FAXC: variants seen among roughly 807,000 people sequenced by gnomAD.
The protein encoded by FAXC is failed axon connections homolog.
Under a neutral mutation model 41.9 loss-of-function variants are expected in FAXC, and 10 were observed. That is an observed-to-expected ratio of 0.24 (90% CI 0.15 to 0.41). The LOEUF (loss-of-function observed/expected upper bound fraction) is 0.41. Among genes scored for constraint, FAXC ranks in the 10% least tolerant of loss-of-function variants. The pLI is 1.00. For synonymous variants in FAXC, 183 were observed against 183.8 expected, an observed-to-expected ratio of 1.00 and a Z score of 0.03; for missense variants, 399 against 510.9, an observed-to-expected ratio of 0.78 and a Z score of 2.11.
intron 4 of FAXC, among the ~76,000 whole-genome samples, chr6:99,298,358 C>T (rs1771579689): frequency 6.6e-6 from 1 of 152,008 alleles, no homozygotes; most frequent in African/African-American, 2.4e-5. Flanking sequence ...GCATACAGCA[C>T]CACACCTGGC....
In FAXC at chr6:99,279,000, T is replaced by C. The variant is rs1430521843; in HGVS notation, c.*2164A>G. 1.3e-5 allele frequency: 2 copies of C among 152,226 alleles called. No homozygotes were observed. Among genetic ancestry groups the C allele is most frequent in the Non-Finnish European group, 1.5e-5 (1 of 68,038 alleles). The allele number at this position is 152,226 out of a possible 1,614,324, so 9.4% of individuals were successfully genotyped here. A position where few individuals can be genotyped will look rare whatever the true frequency, so the allele number is the denominator to read the frequency against. On this transcript the variant is annotated 3_prime_UTR_variant, in exon 6 of 6. Coordinates refer to ENST00000389677, the MANE Select transcript of FAXC (RefSeq NM_032511.4). ...AAATTCAAATACATTTCTTTTCTAC[T>C]AAAATGTGGTGGGAAAAGGACAACC...
At position 99,349,209 on chromosome 6, in the gene FAXC, GCCATGATC is replaced by G. The variant is rs762059818; in HGVS notation, c.156_163del (p.Ile53ArgfsTer34). The G allele has an allele frequency of 6.2e-7, 1 of 1,613,952 alleles. No homozygotes were observed. The highest frequency in any genetic ancestry group is 8.5e-7 in the Non-Finnish European group (1 of 1,180,014). Reference sequence around the variant, plus strand: ...CCACCAGGGATCGGAGCCCAGCCCTGCCATGATCCCACCGTAATCCTGCAAAGGGAAAG... The same window carrying G: ...CCACCAGGGATCGGAGCCCAGCCCTGCCACCGTAATCCTGCAAAGGGAAAG... On this transcript the variant is annotated frameshift_variant, in exon 1 of 6. Coordinates refer to ENST00000389677, the MANE Select transcript of FAXC (RefSeq NM_032511.4). LOFTEE classifies it high-confidence loss of function.
Position 99,272,483 on chromosome 6 carries a change from A to C in FAXC, c.*8681T>G, listed in dbSNP as rs1770447680. On this transcript the variant is annotated 3_prime_UTR_variant, in exon 6 of 6. Transcript: ENST00000389677. ...AGCCACTGCACCCTGCCTAATTGAG[A>C]CAATATTTATACAAGGGGAAATTGG... The C allele has an allele frequency of 6.6e-6, 1 of 152,124 alleles. No individual in the cohort carries two copies. Among genetic ancestry groups the C allele is most frequent in the African/African-American group, 2.4e-5 (1 of 41,398 alleles). 9.4% of individuals were successfully genotyped at this position (152,124 alleles called of 1,614,324 possible). A position where few individuals can be genotyped will look rare whatever the true frequency, so the allele number is the denominator to read the frequency against.
chr6:99,331,811 C>A (rs1773036308), intron 3 of FAXC, among the ~76,000 whole-genome samples: 1 of 152,188 alleles, frequency 6.6e-6, no homozygotes, highest in South Asian at 2.1e-4. Flanking sequence ...CTGACTGGAG[C>A]CTAGTAAGCA....
intron 5 of FAXC, among the ~76,000 whole-genome samples, chr6:99,284,587 G>GTA (rs1770950984): frequency 4.3e-5 from 6 of 138,816 alleles, no homozygotes; most frequent in African/African-American, 1.7e-4. Context: ...GTGTGTGTGT[G>GTA]TGTGTGTGTG....
chr6:99,308,094 C>G (rs374458932), intron 4 of FAXC, among the ~76,000 whole-genome samples: 45 of 152,222 alleles, frequency 3.0e-4, no homozygotes, highest in African/African-American at 1.0e-3. Context: ...ATCAGGAGTT[C>G]GGGACCAGCC....
chr6:99,302,312 G>A (rs1240520608), intron 4 of FAXC, among the ~76,000 whole-genome samples: 2 of 152,210 alleles, frequency 1.3e-5, no homozygotes, highest in Non-Finnish European at 2.9e-5. Flanking sequence ...CATTCATTTT[G>A]TTATTGAATG....
chr6:99,291,497 C>A (rs1771239474), intron 5 of FAXC, among the ~76,000 whole-genome samples: 1 of 152,212 alleles, frequency 6.6e-6, no homozygotes, highest in Non-Finnish European at 1.5e-5. Context: ...ATAGTCTGGG[C>A]AAGACAGCAG....
rs1482748558 is a variant in FAXC, at chr6:99,323,313, GA to G, written c.823+130del. 2.0e-5 allele frequency: 14 copies of G among 709,602 alleles called. No homozygotes were observed. The East Asian group carries it at 3.8e-4, about 19-fold the overall frequency. The allele number at this position is 709,602 out of a possible 1,614,324, so 44.0% of individuals were successfully genotyped here. The stretch of plus-strand genomic sequence containing the variant: ...ATTAGAGGATTTGGTTAAATGTGGG[GA>G]CTGCAATCTACACATGGAAGCAAAG... On this transcript the variant is annotated intron_variant, in intron 4 of 5. Transcript: ENST00000389677.
intron 4 of FAXC, among the ~76,000 whole-genome samples, chr6:99,297,979 T>G (rs2128452238): frequency 6.6e-6 from 1 of 152,308 alleles, no homozygotes; most frequent in South Asian, 2.1e-4. Flanking sequence ...TAGTTAGACA[T>G]TCTTAGATCC....
chr6:99,325,354 C>T (rs554429855), intron 3 of FAXC, among the ~76,000 whole-genome samples: 1 of 152,322 alleles, frequency 6.6e-6, no homozygotes, highest in East Asian at 1.9e-4. Context: ...TTTCAACATA[C>T]TCCCTGTGCT....
chr6:99,324,218 C>A (rs1466845326), intron 3 of FAXC, among the ~76,000 whole-genome samples: 1 of 151,350 alleles, frequency 6.6e-6, no homozygotes, highest in Non-Finnish European at 1.5e-5. Flanking sequence ...AGAAAAATTT[C>A]TGAAAGAAAC....
At chr6:99,311,983 A>T (rs1349768168) in intron 4 of FAXC, among the ~76,000 whole-genome samples, 3 of 152,192 alleles carry the variant, frequency 2.0e-5, no homozygotes, top group Admixed American at 2.0e-4. Context: ...AGTATCCTCA[A>T]ATTCCTCACA....
At chr6:99,310,561 A>C (rs1772115514) in intron 4 of FAXC, among the ~76,000 whole-genome samples, 1 of 152,224 alleles carries the variant, frequency 6.6e-6, no homozygotes, top group Non-Finnish European at 1.5e-5. Flanking sequence ...AAGCCCCTGT[A>C]GTTTAGAGAA....
In FAXC at chr6:99,342,478, G is replaced by A. The variant is rs545422313; in HGVS notation, c.402+420C>T. Among the ~76,000 whole-genome samples the A allele has an allele frequency of 2.0e-4, 31 of 152,050 alleles. No individual in the cohort carries two copies. The East Asian group carries it at 5.6e-3, about 28-fold the overall frequency. ...TCCTGCCTCAGCCTCCCAGGTAGCT[G>A]GGATTACAGGCGTCTGCCACTAGCC... On this transcript the variant is annotated intron_variant, in intron 2 of 5. Transcript: ENST00000389677.
At chr6:99,328,015 C>T (rs1291957315) in intron 3 of FAXC, among the ~76,000 whole-genome samples, 5 of 152,210 alleles carry the variant, frequency 3.3e-5, no homozygotes, top group Non-Finnish European at 5.9e-5. Context: ...CAAACCTAAT[C>T]ATAAGAGTAA....
intron 4 of FAXC, among the ~76,000 whole-genome samples, chr6:99,302,557 G>A (rs221575): frequency 0.75 from 113,823 of 152,006 alleles, 42,869 homozygotes; most frequent in Middle Eastern, 0.88. Context: ...TCAGGAGGCT[G>A]AGGCAGGAGA....
intron 5 of FAXC, chr6:99,284,316 T>C (rs1203067379): frequency 2.0e-5 from 3 of 152,216 alleles, no homozygotes; most frequent in Non-Finnish European, 4.4e-5. Context: ...GAAGTGATCA[T>C]TCCAACATGT....
At chr6:99,314,611 A>G (rs1204162957) in intron 4 of FAXC, among the ~76,000 whole-genome samples, 2 of 152,092 alleles carry the variant, frequency 1.3e-5, no homozygotes, top group East Asian at 1.9e-4. Flanking sequence ...CATGAAACGG[A>G]TATAGGATCA....
Sources: gnomAD v4.1 joint callset for allele counts (sites outside exome capture counted in the v4.1 genomes callset) on GRCh38, gnomAD v4.1.1 for gene constraint, MANE v1.5 for transcripts, NCBI Gene and HGNC (gene_info 2026-07-23, HGNC 2026-07-21) for gene names.